The following ZNF138 variants were observed in gnomAD, a reference collection of about 807,000 sequenced individuals.
ZNF138 encodes zinc finger protein 138 (clone pHZ-32).
ZNF138 carries 33 observed loss-of-function variants against 33.0 expected under a neutral mutation model. That is an observed-to-expected ratio of 1.00 (90% confidence interval 0.76 to 1.34). The LOEUF (loss-of-function observed/expected upper bound fraction) is 1.34. Among genes scored for constraint, ZNF138 ranks in the 40% most tolerant of loss-of-function variants. The pLI, the probability that ZNF138 is intolerant of heterozygous loss-of-function variation, is 0.00. For synonymous variants in ZNF138, 139 were observed against 120.4 expected (o/e 1.15, Z -1.01); for missense variants, 360 against 370.8 (o/e 0.97, Z 0.24).
the ZNF138 span, among the ~76,000 whole-genome samples, chr7:64,840,129 C>T: frequency 6.6e-6 from 1 of 152,020 alleles, no homozygotes; most frequent in Non-Finnish European, 1.5e-5. Flanking sequence ...TGGCGATCGC[C>T]ATCTTGGAGT....
At chr7:64,837,100 C>G (rs879601191), downstream of ZNF138, among the ~76,000 whole-genome samples, 1 of 152,062 alleles carries the variant, frequency 6.6e-6, no homozygotes, top group Non-Finnish European at 1.5e-5. Context: ...ATTGTTGGAG[C>G]CTGTCACATG....
downstream of ZNF138, chr7:64,833,706 G>T (rs55963522): frequency 0.93 from 140,743 of 151,098 alleles, 65,251 homozygotes; most frequent in Non-Finnish European, 0.96. Context: ...TTAGTGTGTG[G>T]TTTGTTTGTT....
rs1213443314 is a variant in ZNF138 at position 64,832,707 on chromosome 7, A to T, written c.*505A>T. On this transcript the variant is annotated 3_prime_UTR_variant, in exon 4 of 4. Transcript: ENST00000307355. ...TGGCAAGGTCTTTAAGAAGTCCTCA[A>T]CTCTTACTGCACATAAGATCATTCA... The T allele has an allele frequency of 2.3e-5, 10 of 434,096 alleles. No homozygotes were observed. Among genetic ancestry groups the T allele is most frequent in the South Asian group, 1.7e-4 (9 of 54,102 alleles). The allele number at this position is 434,096 out of a possible 1,614,324, so 26.9% of individuals were successfully genotyped here. A position where few individuals can be genotyped will look rare whatever the true frequency, so the allele number is the denominator to read the frequency against.
chr7:64,844,854 T>C, the ZNF138 span, among the ~76,000 whole-genome samples: 1 of 152,236 alleles, frequency 6.6e-6, no homozygotes, highest in South Asian at 2.1e-4. Context: ...GCTCAGCTAA[T>C]TTTTGTATTT....
chr7:64,812,346 G>A (rs1040248042), intron 1 of ZNF138, among the ~76,000 whole-genome samples: 6 of 151,862 alleles, frequency 4.0e-5, no homozygotes, highest in African/African-American at 1.5e-4. Flanking sequence ...CATTTTTCTA[G>A]AGAAGGTTTC....
the ZNF138 span, among the ~76,000 whole-genome samples, chr7:64,838,955 G>A: frequency 6.6e-6 from 1 of 152,228 alleles, no homozygotes; most frequent in South Asian, 2.1e-4. Context: ...GCGGCGGAGA[G>A]ACTAAGATGG....
At chr7:64,844,013 AG>A in the ZNF138 span, among the ~76,000 whole-genome samples, 3 of 152,120 alleles carry the variant, frequency 2.0e-5, no homozygotes, top group Non-Finnish European at 4.4e-5. Flanking sequence ...TAGTAGACAC[AG>A]GGTTTCACCA....
At chr7:64,835,569 T>C (rs1331494807), downstream of ZNF138, 2 of 152,046 alleles carry the variant, frequency 1.3e-5, no homozygotes, top group East Asian at 3.9e-4. Flanking sequence ...GATCTTTTTT[T>C]TTTAAAGTTT....
downstream of ZNF138, among the ~76,000 whole-genome samples, chr7:64,838,455 G>A (rs899305243): frequency 7.2e-5 from 11 of 152,140 alleles, no homozygotes; most frequent in African/African-American, 9.7e-5. Context: ...TGCCAGACGG[G>A]GCCTGGGAGA....
At chr7:64,855,384 C>T in the ZNF138 span, among the ~76,000 whole-genome samples, 1 of 152,142 alleles carries the variant, frequency 6.6e-6, no homozygotes, top group East Asian at 1.9e-4. Context: ...TAAATGTCAA[C>T]AAAATTTCAT....
the ZNF138 span, among the ~76,000 whole-genome samples, chr7:64,848,266 C>T: frequency 6.6e-6 from 1 of 152,104 alleles, no homozygotes; most frequent in Admixed American, 6.5e-5. Context: ...TTCTCTTTCT[C>T]GTCAGAAACA....
chr7:64,843,834 T>TTTG, the ZNF138 span, among the ~76,000 whole-genome samples: 6 of 151,970 alleles, frequency 3.9e-5, no homozygotes, highest in South Asian at 8.3e-4. Context: ...TTTTTTTATT[T>TTTG]TTTTGTTTTT....
In ZNF138 at chr7:64,832,987, C is replaced by T; in HGVS notation, c.*785C>T. ...TTTACTATGCATAAGAAAATTCAAA[C>T]TGGAGAGAAACTCTACAAATGTGAA... is the stretch of plus-strand genomic sequence containing the variant. On this transcript the variant is annotated 3_prime_UTR_variant, in exon 4 of 4. Transcript: ENST00000307355. 2.4e-6 allele frequency: 1 copy of T among 424,282 alleles called. No individual in the cohort carries two copies. The highest frequency in any genetic ancestry group is 2.8e-5 in the Admixed American group (1 of 35,784). The allele number at this position is 424,282 out of a possible 1,614,324, so 26.3% of individuals were successfully genotyped here.
intron 1 of ZNF138, among the ~76,000 whole-genome samples, chr7:64,801,551 G>C (rs1787141166): frequency 6.6e-6 from 1 of 152,078 alleles, no homozygotes; most frequent in African/African-American, 2.4e-5. Flanking sequence ...TGGGATGTTT[G>C]AAATTGCTGA....
chr7:64,818,197 G>A (rs1788831869), intron 3 of ZNF138, among the ~76,000 whole-genome samples: 1 of 151,634 alleles, frequency 6.6e-6, no homozygotes, highest in Admixed American at 6.6e-5. Flanking sequence ...TGCTGGCCAG[G>A]CTAGTCTTGA....
At chr7:64,860,212 C>T in the ZNF138 span, among the ~76,000 whole-genome samples, 1 of 152,132 alleles carries the variant, frequency 6.6e-6, no homozygotes, top group Non-Finnish European at 1.5e-5. Flanking sequence ...TATGTTTATG[C>T]TGTAAAATGT....
chr7:64,808,576 TTC>T (rs1285414231), intron 1 of ZNF138, among the ~76,000 whole-genome samples: 10 of 4,728 alleles, frequency 2.1e-3, no homozygotes, highest in East Asian at 0.053. Context: ...CTATTAGTAT[TTC>T]TGTTTCTTTT....
chr7:64,858,371 G>C, the ZNF138 span, among the ~76,000 whole-genome samples: 1 of 152,112 alleles, frequency 6.6e-6, no homozygotes, highest in Admixed American at 6.6e-5. Context: ...GATGCAGATA[G>C]AAGATGAAAG....
At position 64,815,654 on chromosome 7, in the gene ZNF138, G is replaced by GT; in HGVS notation, c.208+2dup. 1 of 1,610,472 alleles carries GT rather than the reference G, an allele frequency of 6.2e-7. No individual in the cohort carries two copies. The highest frequency in any genetic ancestry group is 8.5e-7 in the Non-Finnish European group (1 of 1,178,242). ...GAGATGGTGGTAGCCAAACATTCAG[G>GT]TAGGTGAGAGTGAATACACAGATGG... On this transcript the variant is annotated splice_donor_variant, in intron 3 of 3. Coordinates refer to ENST00000307355, the MANE Select transcript of ZNF138 (RefSeq NM_001271639.2). LOFTEE classifies it high-confidence loss of function.
Sources: gnomAD v4.1 joint callset for allele counts (sites outside exome capture counted in the v4.1 genomes callset) on GRCh38, gnomAD v4.1.1 for gene constraint, MANE v1.5 for transcripts, NCBI Gene and HGNC (gene_info 2026-07-23, HGNC 2026-07-21) for gene names.